Variants in CLDN2 observed in about 807,000 individuals in gnomAD.
CLDN2 encodes the protein claudin 2.
CLDN2 carries 1 observed loss-of-function variant against 8.2 expected under a neutral mutation model. The ratio of observed to expected loss-of-function variants is 0.12; its 90% CI spans 0.04 to 0.58. CLDN2 has a LOEUF of 0.58. CLDN2 is among the 20% of genes least tolerant of loss of function. The probability of loss-of-function intolerance (pLI) is 0.90; values close to 1 mark genes in which losing one functional copy is unlikely to be tolerated. For synonymous variants in CLDN2, 70 were observed against 70.2 expected (o/e 1.00, Z 0.01); for missense variants, 108 against 172.9 (o/e 0.62, Z 2.11).
intron 1 of CLDN2, among the ~76,000 whole-genome samples, chrX:106,905,819 G>T (rs548658840): frequency 2.7e-4 from 30 of 111,298 alleles, no homozygotes; most frequent in African/African-American, 8.5e-4. Context: ...CCACCTTCAC[G>T]TTAGGAGCTG....
intron 1 of CLDN2, chrX:106,901,688 A>C: frequency 4.1e-6 from 2 of 491,037 alleles, no homozygotes; most frequent in Non-Finnish European, 6.8e-6. Context: ...CCCACCCCTC[A>C]ACAAGGGGTC....
intron 1 of CLDN2, among the ~76,000 whole-genome samples, chrX:106,921,877 C>T (rs1264914396): frequency 8.9e-6 from 1 of 112,298 alleles, no homozygotes; most frequent in African/African-American, 3.2e-5. Flanking sequence ...GTACCTCCAA[C>T]GCAGCCAGTA....
upstream of CLDN2, among the ~76,000 whole-genome samples, chrX:106,915,505 C>A (rs1933301022): frequency 1.8e-5 from 2 of 112,100 alleles, no homozygotes; most frequent in African/African-American, 6.5e-5. Flanking sequence ...ACCTTAATAC[C>A]AACTATTCAA....
chrX:106,902,314 T>C, intron 1 of CLDN2: 1 of 680,005 alleles, frequency 1.5e-6, no homozygotes, highest in South Asian at 2.7e-5. Context: ...TCAGGTGCCA[T>C]CTGCTCCAGG....
intron 1 of CLDN2, among the ~76,000 whole-genome samples, chrX:106,927,031 C>T (rs1337235792): frequency 9.0e-6 from 1 of 110,844 alleles, no homozygotes; most frequent in East Asian, 2.8e-4. Flanking sequence ...TGCAATGAGC[C>T]GAGATCATGC....
chrX:106,912,064 T>G (rs2147789187), intron 1 of CLDN2, among the ~76,000 whole-genome samples: 1 of 111,635 alleles, frequency 9.0e-6, no homozygotes, highest in South Asian at 3.8e-4. Flanking sequence ...CAGAGGTCCT[T>G]TGGGAAGGAA....
chrX:106,916,566 C>T (rs762305125), upstream of CLDN2, among the ~76,000 whole-genome samples: 24 of 110,731 alleles, frequency 2.2e-4, no homozygotes, highest in Non-Finnish European at 4.2e-4. Flanking sequence ...GAGTGGAAGT[C>T]GAAACCAGCA....
chrX:106,914,738 T>C (rs191883192), upstream of CLDN2, among the ~76,000 whole-genome samples: 2,394 of 112,173 alleles, frequency 0.021, 66 homozygotes, highest in African/African-American at 0.074. Flanking sequence ...GTTTTAATTA[T>C]AAATATGTTC....
intron 1 of CLDN2, among the ~76,000 whole-genome samples, chrX:106,905,673 C>T (rs772974373): frequency 3.6e-5 from 4 of 111,053 alleles, no homozygotes; most frequent in Non-Finnish European, 7.6e-5. Context: ...AAGTGGCCTC[C>T]GAGAATCAGC....
chrX:106,919,222 C>T (rs1345510133), upstream of CLDN2, among the ~76,000 whole-genome samples: 2 of 111,487 alleles, frequency 1.8e-5, no homozygotes, highest in African/African-American at 3.3e-5. Context: ...CAAATCCCAT[C>T]GATATCTTCT....
At chrX:106,914,923 T>G (rs1243110503), upstream of CLDN2, among the ~76,000 whole-genome samples, 1 of 111,882 alleles carries the variant, frequency 8.9e-6, no homozygotes, top group South Asian at 3.8e-4. Flanking sequence ...GGTGTGCAGC[T>G]CCATGAATTT....
At chrX:106,910,217 T>C (rs773467405) in intron 1 of CLDN2, among the ~76,000 whole-genome samples, 19 of 111,487 alleles carry the variant, frequency 1.7e-4, no homozygotes, top group African/African-American at 5.2e-4. Flanking sequence ...AAGCAAACGA[T>C]ACTAGTAACT....
chrX:106,922,021 G>A (rs1472956454), intron 1 of CLDN2, among the ~76,000 whole-genome samples: 3 of 112,120 alleles, frequency 2.7e-5, no homozygotes, highest in Admixed American at 9.4e-5. Flanking sequence ...TAAAAATCTT[G>A]GAGATGACAA....
At position 106,930,066 on chromosome X, in the gene CLDN2, A is replaced by G. The variant is rs941456311; in HGVS notation, c.*1145A>G. On this transcript the variant is annotated 3_prime_UTR_variant, in exon 2 of 2. Transcript: ENST00000336803. ...CAGGCGTAATGGAAAATCAGCTCAA[A>G]TGAGATCAGGCCCCCCCAGGGTCCA... 1.6e-5 allele frequency: 2 copies of G among 122,793 alleles called. No individual in the cohort carries two copies. Among genetic ancestry groups the G allele is most frequent in the African/African-American group, 3.3e-5 (1 of 30,614 alleles). The allele number at this position is 122,793 out of a possible 1,213,427, so 10.1% of individuals were successfully genotyped here. A position where few individuals can be genotyped will look rare whatever the true frequency, so the allele number is the denominator to read the frequency against.
At chrX:106,914,238 A>C (rs1237567382), upstream of CLDN2, among the ~76,000 whole-genome samples, 2 of 111,023 alleles carry the variant, frequency 1.8e-5, no homozygotes, top group African/African-American at 6.6e-5. Flanking sequence ...GGTGTGAGCC[A>C]CCGCACCCGG....
At chrX:106,903,128 C>T (rs1363151724) in intron 1 of CLDN2, 4 of 1,211,265 alleles carry the variant, frequency 3.3e-6, no homozygotes. Flanking sequence ...CTAAGCTCAA[C>T]TTACCTTTCA....
chrX:106,919,327 T>C (rs193287873), upstream of CLDN2, among the ~76,000 whole-genome samples: 212 of 112,206 alleles, frequency 1.9e-3, no homozygotes, highest in Non-Finnish European at 3.2e-3. Flanking sequence ...TGAATTCTTT[T>C]CAATAGCATC....
intron 1 of CLDN2, among the ~76,000 whole-genome samples, chrX:106,904,301 C>T (rs1180760699): frequency 8.8e-6 from 1 of 113,079 alleles, no homozygotes; most frequent in Non-Finnish European, 1.9e-5. Flanking sequence ...TGGGCCTTTG[C>T]CAGAAAGCTT....
At chrX:106,911,022 T>C (rs1031303342) in intron 1 of CLDN2, among the ~76,000 whole-genome samples, 1 of 112,298 alleles carries the variant, frequency 8.9e-6, no homozygotes, top group African/African-American at 3.2e-5. Flanking sequence ...GTGACTATTA[T>C]GATTGTTCCT....
Sources: allele counts gnomAD v4.1 joint callset (sites outside exome capture counted in the v4.1 genomes callset), GRCh38; gene constraint gnomAD v4.1.1; transcripts MANE v1.5; gene names NCBI Gene and HGNC (gene_info 2026-07-23, HGNC 2026-07-21).